ZBTB20: variants seen among roughly 807,000 people sequenced by gnomAD.
The protein encoded by ZBTB20 is zinc finger and BTB domain containing 20.
A neutral mutation model predicts 56.9 loss-of-function variants in ZBTB20; 9 were observed. The observed-to-expected ratio is 0.16, with a 90% CI of 0.10 to 0.28. The LOEUF (loss-of-function observed/expected upper bound fraction) is 0.28, where lower values mean the gene tolerates loss of function less well. Among genes scored for constraint, ZBTB20 ranks in the 10% least tolerant of loss-of-function variants. ZBTB20 has a pLI of 1.00. For synonymous variants in ZBTB20, 417 were observed against 420.7 expected (o/e 0.99, Z 0.11); for missense variants, 655 against 1,003.0 (o/e 0.65, Z 4.69).
intron 6 of ZBTB20, among the ~76,000 whole-genome samples, chr3:114,554,543 C>A (rs531595378): frequency 1.6e-4 from 25 of 152,220 alleles, no homozygotes; most frequent in African/African-American, 6.0e-4. Context: ...GATGGAATAT[C>A]TGATGAAGAA....
At chr3:114,827,065 G>A (rs1228700408) in intron 4 of ZBTB20, among the ~76,000 whole-genome samples, 1 of 151,562 alleles carries the variant, frequency 6.6e-6, no homozygotes, top group Non-Finnish European at 1.5e-5. Flanking sequence ...CATAATTTTA[G>A]AGCAAATTAT....
chr3:114,367,471 C>T (rs1368316433), intron 10 of ZBTB20, among the ~76,000 whole-genome samples: 1 of 152,170 alleles, frequency 6.6e-6, no homozygotes, highest in Non-Finnish European at 1.5e-5. Flanking sequence ...GTTGCTGAGG[C>T]TGGTCTCAAA....
intron 5 of ZBTB20, among the ~76,000 whole-genome samples, chr3:114,721,365 G>A (rs1379572107): frequency 6.6e-6 from 1 of 152,140 alleles, no homozygotes; most frequent in Admixed American, 6.5e-5. Flanking sequence ...AGAATGAGAA[G>A]TGATCCACTG....
chr3:114,537,956 G>T (rs2048672742), intron 6 of ZBTB20, among the ~76,000 whole-genome samples: 1 of 152,084 alleles, frequency 6.6e-6, no homozygotes, highest in African/African-American at 2.4e-5. Flanking sequence ...CATAGGGAGG[G>T]GAATGTCACA....
In ZBTB20 at chr3:114,704,641, T is replaced by C. The variant is rs146792398; in HGVS notation, c.-342-11066A>G. Among the ~76,000 whole-genome samples, 476 of 152,288 alleles carry C rather than the reference T, an allele frequency of 3.1e-3. 2 individuals are homozygous for C. Among genetic ancestry groups the C allele is most frequent in the Admixed American group, 6.0e-3 (92 of 15,276 alleles). ...CACTGTTGAATGATATGTCATAGAC[T>C]ACTCTGAGAAGCAGAAAAATCTTCT... On this transcript the variant is annotated intron_variant, in intron 5 of 11. Transcript: ENST00000675478.
chr3:114,436,639 C>T (rs923875777), intron 7 of ZBTB20, among the ~76,000 whole-genome samples: 9 of 152,124 alleles, frequency 5.9e-5, no homozygotes, highest in Non-Finnish European at 1.3e-4. Flanking sequence ...GTTATATTTT[C>T]GTAAGAGAGA....
At chr3:114,446,958 A>G (rs2091310501) in intron 7 of ZBTB20, among the ~76,000 whole-genome samples, 2 of 152,226 alleles carry the variant, frequency 1.3e-5, no homozygotes, top group African/African-American at 4.8e-5. Context: ...ACTAAGGAAG[A>G]TAATTTATTA....
At chr3:114,867,623 T>C (rs1336062047) in intron 4 of ZBTB20, among the ~76,000 whole-genome samples, 3 of 152,102 alleles carry the variant, frequency 2.0e-5, no homozygotes, top group Non-Finnish European at 2.9e-5. Flanking sequence ...TCAGTAGAGA[T>C]GGGATCTCAC....
chr3:114,800,186 A>G (rs765465423), intron 5 of ZBTB20, among the ~76,000 whole-genome samples: 5 of 151,960 alleles, frequency 3.3e-5, no homozygotes, highest in Admixed American at 6.6e-5. Context: ...GTACATTTTG[A>G]TCTAAAATTA....
chr3:114,653,353 T>C (rs1452034917), intron 6 of ZBTB20, among the ~76,000 whole-genome samples: 2 of 151,958 alleles, frequency 1.3e-5, no homozygotes, highest in Non-Finnish European at 2.9e-5. Flanking sequence ...GACTGTCAAA[T>C]TTTTTCAATT....
intron 6 of ZBTB20, among the ~76,000 whole-genome samples, chr3:114,549,376 C>T (rs1189977855): frequency 1.3e-5 from 2 of 152,056 alleles, no homozygotes; most frequent in Non-Finnish European, 2.9e-5. Flanking sequence ...CCCTATGTTT[C>T]TATGTTCTTT....
intron 6 of ZBTB20, among the ~76,000 whole-genome samples, chr3:114,673,206 T>C (rs2061446859): frequency 6.6e-6 from 1 of 152,098 alleles, no homozygotes; most frequent in Non-Finnish European, 1.5e-5. Flanking sequence ...TTCCCTGCCA[T>C]GCCAACAGCA....
At chr3:115,033,021 G>A (rs898539207) in intron 2 of ZBTB20, among the ~76,000 whole-genome samples, 3 of 139,112 alleles carry the variant, frequency 2.2e-5, no homozygotes, top group African/African-American at 8.0e-5. Flanking sequence ...ATACGTATTA[G>A]AGCAGATGTA....
At chr3:114,928,485 A>T (rs571791065) in intron 3 of ZBTB20, among the ~76,000 whole-genome samples, 47 of 152,344 alleles carry the variant, frequency 3.1e-4, no homozygotes, top group African/African-American at 1.1e-3. Flanking sequence ...TGATGGAAAG[A>T]TTCTTGTTTA....
intron 5 of ZBTB20, among the ~76,000 whole-genome samples, chr3:114,703,286 C>T (rs999403482): frequency 9.2e-5 from 14 of 152,086 alleles, no homozygotes; most frequent in African/African-American, 3.4e-4. Flanking sequence ...TTCTCTCATC[C>T]CTGTAAGGAA....
At chr3:115,033,737 C>T (rs982462367) in intron 2 of ZBTB20, among the ~76,000 whole-genome samples, 1 of 151,582 alleles carries the variant, frequency 6.6e-6, no homozygotes, top group East Asian at 1.9e-4. Context: ...GGAAACACTC[C>T]CTGATTGATT....
At chr3:115,117,292 A>G (rs2084046997) in intron 1 of ZBTB20, among the ~76,000 whole-genome samples, 1 of 152,184 alleles carries the variant, frequency 6.6e-6, no homozygotes, top group African/African-American at 2.4e-5. Context: ...AAACTAGAGT[A>G]TGAAAAGCTG....
chr3:114,487,243 A>G (rs1380680107), intron 7 of ZBTB20, among the ~76,000 whole-genome samples: 3 of 152,170 alleles, frequency 2.0e-5, no homozygotes, highest in Non-Finnish European at 4.4e-5. Flanking sequence ...AGGTACACTG[A>G]GTCAGTGGCA....
chr3:114,392,118 T>C (rs2085933034), intron 7 of ZBTB20, among the ~76,000 whole-genome samples: 1 of 152,138 alleles, frequency 6.6e-6, no homozygotes, highest in Admixed American at 6.5e-5. Context: ...CCAGCAGAAA[T>C]AATTATGACA....
Sources: gnomAD v4.1 joint callset for allele counts (sites outside exome capture counted in the v4.1 genomes callset) on GRCh38, gnomAD v4.1.1 for gene constraint, MANE v1.5 for transcripts, NCBI Gene and HGNC (gene_info 2026-07-23, HGNC 2026-07-21) for gene names.